ZRANB3: variants seen among roughly 807,000 people sequenced by gnomAD.
The protein encoded by ZRANB3 is DNA annealing helicase and endonuclease ZRANB3.
In ZRANB3, 125 loss-of-function variants were observed where a neutral mutation model predicts 133.8. That is an observed-to-expected ratio of 0.93 (90% CI 0.81 to 1.08). The LOEUF (loss-of-function observed/expected upper bound fraction) is 1.08. ZRANB3 is among the 50% of genes least tolerant of loss of function. The probability of loss-of-function intolerance (pLI) is 0.00; values close to 1 mark genes in which losing one functional copy is unlikely to be tolerated. For synonymous variants in ZRANB3, 387 were observed against 432.7 expected, an observed-to-expected ratio of 0.89 and a Z score of 1.31; for missense variants, 1,229 against 1,275.5, an observed-to-expected ratio of 0.96 and a Z score of 0.56.
chr2:135,320,544 A>C (rs1253009375), intron 6 of ZRANB3, among the ~76,000 whole-genome samples: 5 of 152,214 alleles, frequency 3.3e-5, no homozygotes, highest in African/African-American at 9.6e-5. Flanking sequence ...AAATTCATTT[A>C]TTCTTTTCTA....
Position 135,216,976 on chromosome 2 carries a change from C to A in ZRANB3, c.2495+489G>T, listed in dbSNP as rs541442060. On this transcript the variant is annotated intron_variant, in intron 17 of 20. Coordinates refer to ENST00000264159, the MANE Select transcript of ZRANB3 (RefSeq NM_032143.4). ...CAGTCACAAATATCTGACGGTCAAC[C>A]TTTCCTTTTATTTCATTTCCAATCA... Among the ~76,000 whole-genome samples, 4 of 152,276 alleles carry A rather than the reference C, an allele frequency of 2.6e-5. No individual in the cohort carries two copies. In the East Asian group the frequency reaches 7.7e-4, roughly 29 times the overall value.
chr2:135,205,314 G>A (rs1693813812), intron 19 of ZRANB3, among the ~76,000 whole-genome samples: 1 of 152,120 alleles, frequency 6.6e-6, no homozygotes, highest in African/African-American at 2.4e-5. Flanking sequence ...CTGTTGCCCA[G>A]GCTGGAGTGC....
intron 12 of ZRANB3, among the ~76,000 whole-genome samples, chr2:135,248,432 T>C (rs1166184323): frequency 6.6e-6 from 1 of 152,192 alleles, no homozygotes; most frequent in African/African-American, 2.4e-5. Flanking sequence ...AGTTGACAAG[T>C]GGGATCTAAT....
intron 2 of ZRANB3, among the ~76,000 whole-genome samples, chr2:135,392,887 T>G (rs867968419): frequency 1.4e-5 from 2 of 143,002 alleles, no homozygotes; most frequent in African/African-American, 3.0e-5. Flanking sequence ...GTTTTTTGGT[T>G]TTTTTTTTTC....
intron 8 of ZRANB3, among the ~76,000 whole-genome samples, chr2:135,295,114 C>T (rs1681981587): frequency 6.6e-6 from 1 of 151,820 alleles, no homozygotes; most frequent in Admixed American, 6.6e-5. Flanking sequence ...CTATTAGGTC[C>T]ACTTGGTGCA....
intron 12 of ZRANB3, among the ~76,000 whole-genome samples, chr2:135,233,167 T>C (rs1695115815): frequency 6.6e-6 from 1 of 152,334 alleles, no homozygotes; most frequent in East Asian, 1.9e-4. Flanking sequence ...AGTAGCCGAT[T>C]TGATCAACTG....
At chr2:135,376,538 G>C (rs1686437105) in intron 3 of ZRANB3, among the ~76,000 whole-genome samples, 1 of 152,196 alleles carries the variant, frequency 6.6e-6, no homozygotes, top group Non-Finnish European at 1.5e-5. Flanking sequence ...GCTACAAAAA[G>C]ACACGGATGA....
intron 13 of ZRANB3, among the ~76,000 whole-genome samples, chr2:135,229,010 AC>A (rs1364705144): frequency 6.6e-6 from 1 of 152,210 alleles, no homozygotes; most frequent in African/African-American, 2.4e-5. Flanking sequence ...AAATCATTCA[AC>A]TTATACATTT....
chr2:135,298,007 T>C (rs1421721003), intron 8 of ZRANB3, among the ~76,000 whole-genome samples: 1 of 152,134 alleles, frequency 6.6e-6, no homozygotes, highest in Non-Finnish European at 1.5e-5. Context: ...GGTGGGTGGA[T>C]AACCTGACGT....
At chr2:135,472,597 G>A (rs1691319655) in intron 2 of ZRANB3, among the ~76,000 whole-genome samples, 1 of 151,402 alleles carries the variant, frequency 6.6e-6, no homozygotes, top group Non-Finnish European at 1.5e-5. Context: ...CCCCAGTCTT[G>A]CATTATGACA....
At chr2:135,425,715 G>C (rs1689032019) in intron 2 of ZRANB3, among the ~76,000 whole-genome samples, 1 of 152,134 alleles carries the variant, frequency 6.6e-6, no homozygotes, top group Admixed American at 6.5e-5. Context: ...GAAGTTTACA[G>C]TGCTAAACAC....
intron 2 of ZRANB3, among the ~76,000 whole-genome samples, chr2:135,459,102 T>C (rs1690653185): frequency 6.6e-6 from 1 of 152,120 alleles, no homozygotes; most frequent in African/African-American, 2.4e-5. Flanking sequence ...AAAAACTAAA[T>C]GAAAGTGATC....
intron 3 of ZRANB3, among the ~76,000 whole-genome samples, chr2:135,353,927 C>G (rs983114535): frequency 1.3e-5 from 2 of 151,970 alleles, no homozygotes; most frequent in Non-Finnish European, 2.9e-5. Context: ...TTGCTTGGAC[C>G]CAGGAAGTTG....
chr2:135,521,654 AAAC>A (rs1393241520), intron 1 of ZRANB3, among the ~76,000 whole-genome samples: 2 of 152,244 alleles, frequency 1.3e-5, no homozygotes, highest in African/African-American at 4.8e-5. Context: ...TGACAGCTGT[AAAC>A]AACACAACAC....
At chr2:135,415,749 C>T (rs542759301) in intron 2 of ZRANB3, among the ~76,000 whole-genome samples, 36 of 152,250 alleles carry the variant, frequency 2.4e-4, no homozygotes, top group African/African-American at 7.7e-4. Flanking sequence ...CATCAAAAAG[C>T]TTACCCACCA....
At chr2:135,414,462 G>A (rs942632983) in intron 2 of ZRANB3, among the ~76,000 whole-genome samples, 14 of 151,980 alleles carry the variant, frequency 9.2e-5, no homozygotes, top group African/African-American at 2.9e-4. Flanking sequence ...AGCGAGTCCT[G>A]AGTGACCTAC....
chr2:135,482,653 G>A (rs1348191300), intron 2 of ZRANB3, among the ~76,000 whole-genome samples: 1 of 152,132 alleles, frequency 6.6e-6, no homozygotes, highest in Non-Finnish European at 1.5e-5. Flanking sequence ...CCAACACTAT[G>A]TTGAATAGGA....
intron 8 of ZRANB3, among the ~76,000 whole-genome samples, chr2:135,276,187 T>C (rs1029413184): frequency 1.3e-5 from 2 of 149,774 alleles, no homozygotes; most frequent in Non-Finnish European, 3.0e-5. Context: ...AAAGGGAAGA[T>C]TGAAAACAGT....
At chr2:135,255,741 G>C (rs1217943328) in intron 12 of ZRANB3, among the ~76,000 whole-genome samples, 1 of 151,950 alleles carries the variant, frequency 6.6e-6, no homozygotes, top group Non-Finnish European at 1.5e-5. Context: ...TGGCTACTTG[G>C]GAGGCTGAGG....
Sources: gnomAD v4.1 joint callset for allele counts (sites outside exome capture counted in the v4.1 genomes callset) on GRCh38, gnomAD v4.1.1 for gene constraint, MANE v1.5 for transcripts, NCBI Gene and HGNC (gene_info 2026-07-23, HGNC 2026-07-21) for gene names.